CSMD1: variants seen among roughly 807,000 people sequenced by gnomAD.
CSMD1 encodes CUB and sushi domain-containing protein 1.
Under a neutral mutation model 417.5 loss-of-function variants are expected in CSMD1, and 213 were observed. That is an observed-to-expected ratio of 0.51 (90% CI 0.46 to 0.57). The LOEUF (loss-of-function observed/expected upper bound fraction) is 0.57. Ranked by LOEUF, CSMD1 falls within the 20% of genes least tolerant of loss-of-function variation. The probability of loss-of-function intolerance (pLI) is 0.00; values close to 1 mark genes in which losing one functional copy is unlikely to be tolerated. For synonymous variants in CSMD1, 2,862 were observed against 1,736.8 expected, an observed-to-expected ratio of 1.65 and a Z score of -16.11; for missense variants, 6,923 against 4,529.7, an observed-to-expected ratio of 1.53 and a Z score of -15.17.
chr8:4,146,659 T>G (rs1804153176), intron 3 of CSMD1, among the ~76,000 whole-genome samples: 1 of 121,902 alleles, frequency 8.2e-6, no homozygotes, highest in Non-Finnish European at 1.6e-5. Flanking sequence ...TCCCCCAGGC[T>G]GGAGCGCAGT....
At chr8:3,709,701 T>TTTTTTTTTTTTTTA (rs1801395212) in intron 6 of CSMD1, among the ~76,000 whole-genome samples, 1 of 136,352 alleles carries the variant, frequency 7.3e-6, no homozygotes, top group Non-Finnish European at 1.6e-5. Flanking sequence ...TTTTTTTTTT[T>TTTTTTTTTTTTTTA]TTTTTTTTCC....
chr8:3,379,610 T>G (rs887427974), intron 18 of CSMD1, among the ~76,000 whole-genome samples: 1 of 152,194 alleles, frequency 6.6e-6, no homozygotes, highest in African/African-American at 2.4e-5. Context: ...TACAACCAAC[T>G]GACCTTTGAC....
chr8:4,415,616 C>G (rs547768861), intron 3 of CSMD1, among the ~76,000 whole-genome samples: 2 of 152,274 alleles, frequency 1.3e-5, no homozygotes, highest in Non-Finnish European at 2.9e-5. Flanking sequence ...TAGTCACTGA[C>G]AATAAGCAGT....
At chr8:3,923,907 C>T (rs1809457652) in intron 5 of CSMD1, among the ~76,000 whole-genome samples, 1 of 152,044 alleles carries the variant, frequency 6.6e-6, no homozygotes, top group Non-Finnish European at 1.5e-5. Flanking sequence ...ATATATTGTC[C>T]TTTAAATTTC....
At chr8:4,400,927 C>T (rs1476349651) in intron 3 of CSMD1, among the ~76,000 whole-genome samples, 6 of 147,390 alleles carry the variant, frequency 4.1e-5, no homozygotes, top group Non-Finnish European at 8.9e-5. Flanking sequence ...AGTACAATAC[C>T]AACTTCACAA....
chr8:3,640,204 G>T (rs182567396), intron 7 of CSMD1, among the ~76,000 whole-genome samples: 77 of 152,214 alleles, frequency 5.1e-4, no homozygotes, highest in Admixed American at 1.5e-3. Flanking sequence ...CAGTCATGTG[G>T]GGAGGCATCA....
chr8:4,327,721 A>T (rs1246699847), intron 3 of CSMD1, among the ~76,000 whole-genome samples: 1 of 152,230 alleles, frequency 6.6e-6, no homozygotes, highest in Non-Finnish European at 1.5e-5. Context: ...TAAAATGAAT[A>T]ACAAGAGACC....
At chr8:3,829,064 G>C (rs1802220573) in intron 5 of CSMD1, among the ~76,000 whole-genome samples, 2 of 151,728 alleles carry the variant, frequency 1.3e-5, no homozygotes, top group African/African-American at 4.8e-5. Context: ...CTGGGGTATA[G>C]GTGGTATTTG....
At chr8:4,907,794 G>C (rs1206376956) in intron 1 of CSMD1, among the ~76,000 whole-genome samples, 2 of 151,268 alleles carry the variant, frequency 1.3e-5, no homozygotes, top group Non-Finnish European at 2.9e-5. Flanking sequence ...CGAAACCCCT[G>C]GGCTCAAGCA....
At chr8:4,772,520 C>A (rs1796653371) in intron 1 of CSMD1, among the ~76,000 whole-genome samples, 1 of 152,124 alleles carries the variant, frequency 6.6e-6, no homozygotes, top group Non-Finnish European at 1.5e-5. Context: ...GGTATTACAG[C>A]ATGGATATTT....
At chr8:4,104,059 A>G (rs1034868985) in intron 3 of CSMD1, among the ~76,000 whole-genome samples, 1 of 152,160 alleles carries the variant, frequency 6.6e-6, no homozygotes, top group Non-Finnish European at 1.5e-5. Context: ...TTACTCAAGT[A>G]CTACAATAGG....
At chr8:4,277,359 G>A (rs58381114) in intron 3 of CSMD1, among the ~76,000 whole-genome samples, 4,487 of 152,098 alleles carry the variant, frequency 0.03, 228 homozygotes, top group African/African-American at 0.1. Context: ...CTCCTCTTTC[G>A]TGCCTCATCT....
chr8:4,107,498 A>G (rs1200066242), intron 3 of CSMD1, among the ~76,000 whole-genome samples: 1 of 152,258 alleles, frequency 6.6e-6, no homozygotes, highest in Admixed American at 6.5e-5. Context: ...CAAACACCGA[A>G]GAATTCCATG....
intron 3 of CSMD1, among the ~76,000 whole-genome samples, chr8:4,144,651 A>T (rs1301241813): frequency 1.3e-5 from 2 of 150,998 alleles, no homozygotes; most frequent in Non-Finnish European, 1.5e-5. Flanking sequence ...TTATCAGGAG[A>T]TAATCAGCAG....
At chr8:3,818,569 G>A (rs933347350) in intron 5 of CSMD1, among the ~76,000 whole-genome samples, 4 of 152,110 alleles carry the variant, frequency 2.6e-5, no homozygotes, top group Admixed American at 1.3e-4. Context: ...GCATGAAGAC[G>A]TGAAGGAGGT....
intron 5 of CSMD1, among the ~76,000 whole-genome samples, chr8:3,886,374 T>C (rs1458000582): frequency 2.6e-5 from 4 of 152,188 alleles, no homozygotes; most frequent in Non-Finnish European, 5.9e-5. Context: ...AAACAAACTG[T>C]GGTGGCAAAT....
intron 1 of CSMD1, among the ~76,000 whole-genome samples, chr8:4,960,205 G>A (rs573423179): frequency 2.0e-5 from 3 of 152,158 alleles, no homozygotes; most frequent in Non-Finnish European, 4.4e-5. Flanking sequence ...AGGAAATCTT[G>A]ATCTAGGACA....
chr8:4,121,957 A>T (rs1243836957), intron 3 of CSMD1, among the ~76,000 whole-genome samples: 3 of 152,082 alleles, frequency 2.0e-5, no homozygotes, highest in Non-Finnish European at 4.4e-5. Flanking sequence ...AGTGAATTTA[A>T]ATTTTAATAA....
intron 3 of CSMD1, among the ~76,000 whole-genome samples, chr8:4,280,237 A>T (rs544263774): frequency 6.6e-6 from 1 of 152,240 alleles, no homozygotes; most frequent in Non-Finnish European, 1.5e-5. Context: ...CTCTTTAGGC[A>T]TATAGTTAGC....
Sources: gnomAD v4.1 joint callset for allele counts (sites outside exome capture counted in the v4.1 genomes callset) on GRCh38, gnomAD v4.1.1 for gene constraint, MANE v1.5 for transcripts, NCBI Gene and HGNC (gene_info 2026-07-23, HGNC 2026-07-21) for gene names.